The following AGBL3 variants were observed in gnomAD, a reference collection of about 807,000 sequenced individuals.
AGBL3 encodes the protein AGBL carboxypeptidase 3.
AGBL3 carries 68 observed loss-of-function variants against 94.5 expected under a neutral mutation model. The observed-to-expected ratio is 0.72, with a 90% CI of 0.59 to 0.88. The LOEUF is 0.88. Among genes scored for constraint, AGBL3 ranks in the 40% least tolerant of loss-of-function variants. The pLI, the probability that AGBL3 is intolerant of heterozygous loss-of-function variation, is 0.00. For missense variants in AGBL3, 934 were observed against 1,103.8 expected (o/e 0.85, Z 2.18); for synonymous variants, 354 against 370.7 (o/e 0.95, Z 0.52).
At chr7:135,081,465 T>A (rs1820918919) in intron 14 of AGBL3, among the ~76,000 whole-genome samples, 1 of 152,132 alleles carries the variant, frequency 6.6e-6, no homozygotes, top group Non-Finnish European at 1.5e-5. Flanking sequence ...ACTTTATAAC[T>A]GTCTATTTGT....
At chr7:134,996,872 G>A (rs185192895) in intron 4 of AGBL3, among the ~76,000 whole-genome samples, 21 of 152,208 alleles carry the variant, frequency 1.4e-4, no homozygotes, top group African/African-American at 4.8e-4. Context: ...TATGAGTGTG[G>A]TCAGGGGTCC....
In AGBL3 at chr7:135,129,722, T is replaced by C. The variant is rs567955151; in HGVS notation, c.2343-5119T>C. 115 of 740,966 alleles carry C rather than the reference T, an allele frequency of 1.6e-4. 1 individual carries two copies. The Middle Eastern group carries it at 2.0e-3, about 13-fold the overall frequency. 45.9% of individuals were successfully genotyped at this position (740,966 alleles called of 1,614,324 possible). A position where few individuals can be genotyped will look rare whatever the true frequency, so the allele number is the denominator to read the frequency against. On this transcript the variant is annotated intron_variant, in intron 16 of 16. Coordinates refer to ENST00000436302, the MANE Select transcript of AGBL3 (RefSeq NM_178563.4). ...CTACTGCTCAAGATATGGAAGTGGA[T>C]TGGTTTTCCCTAATCTTTTGTCAAG...
At chr7:134,986,870 G>A (rs576302368) in intron 1 of AGBL3, among the ~76,000 whole-genome samples, 169 bp downstream of exon 1, 1 of 152,372 alleles carries the variant, frequency 6.6e-6, no homozygotes, top group East Asian at 1.9e-4. Flanking sequence ...CTGTCGGGAC[G>A]CGGCTAAGCG....
At chr7:135,003,735 G>C (rs1812023018) in intron 4 of AGBL3, among the ~76,000 whole-genome samples, 1 of 150,358 alleles carries the variant, frequency 6.7e-6, no homozygotes, top group South Asian at 2.1e-4. Flanking sequence ...TTTTTGTTGT[G>C]AGAATAGCAA....
chr7:134,986,833 G>A (rs976507317), intron 1 of AGBL3, 132 bp downstream of exon 1: 3 of 152,292 alleles, frequency 2.0e-5, no homozygotes, highest in Non-Finnish European at 4.4e-5. Flanking sequence ...TGGCCTCATC[G>A]TGCTTCCCGC....
intron 11 of AGBL3, among the ~76,000 whole-genome samples, chr7:135,055,941 G>T (rs7787016): frequency 2.0e-5 from 3 of 151,768 alleles, no homozygotes; most frequent in African/African-American, 4.8e-5. Flanking sequence ...TTGATATATA[G>T]ATCTATATAT....
chr7:135,019,098 T>C (rs1188957267), intron 5 of AGBL3, among the ~76,000 whole-genome samples: 1 of 152,236 alleles, frequency 6.6e-6, no homozygotes, highest in Admixed American at 6.5e-5. Context: ...ATACAGTAAG[T>C]ACACTGTTAT....
chr7:135,123,283 G>T (rs1827402006), intron 16 of AGBL3, among the ~76,000 whole-genome samples: 1 of 152,150 alleles, frequency 6.6e-6, no homozygotes, highest in Admixed American at 6.5e-5. Context: ...CCACGCAGAA[G>T]AAAGGATATC....
At chr7:135,038,612 G>A (rs1478981289) in intron 8 of AGBL3, among the ~76,000 whole-genome samples, 1 of 152,110 alleles carries the variant, frequency 6.6e-6, no homozygotes, top group Admixed American at 6.5e-5. Flanking sequence ...TCATCTAAAG[G>A]TTGCTTAAAA....
chr7:135,110,754 C>A (rs540756958), intron 15 of AGBL3, among the ~76,000 whole-genome samples: 1 of 152,180 alleles, frequency 6.6e-6, no homozygotes, highest in African/African-American at 2.4e-5. Flanking sequence ...TCCATGAGAG[C>A]GACAAATGCA....
chr7:135,082,002 G>C (rs148055041), intron 15 of AGBL3, among the ~76,000 whole-genome samples: 1 of 152,264 alleles, frequency 6.6e-6, no homozygotes, highest in Non-Finnish European at 1.5e-5. Flanking sequence ...TTAGAGCAGA[G>C]AGAAACCTTG....
intron 15 of AGBL3, among the ~76,000 whole-genome samples, chr7:135,108,480 G>C (rs1298050497): frequency 6.6e-6 from 1 of 152,122 alleles, no homozygotes; most frequent in Non-Finnish European, 1.5e-5. Flanking sequence ...AGTTTGACTG[G>C]ATGTGGAATT....
At chr7:135,101,404 G>T in intron 15 of AGBL3, 2 of 353,308 alleles carry the variant, frequency 5.7e-6, no homozygotes, top group Non-Finnish European at 1.1e-5. Flanking sequence ...GAGATTGATA[G>T]CTATTTTAGT....
At chr7:135,120,245 T>C (rs1396854182) in intron 16 of AGBL3, among the ~76,000 whole-genome samples, 3 of 152,188 alleles carry the variant, frequency 2.0e-5, no homozygotes, top group Admixed American at 2.0e-4. Flanking sequence ...CTAAATCATA[T>C]TTGATGGTTG....
chr7:135,023,177 A>G (rs1814700550), intron 5 of AGBL3, among the ~76,000 whole-genome samples: 1 of 152,168 alleles, frequency 6.6e-6, no homozygotes, highest in Admixed American at 6.5e-5. Context: ...TTCATGTGCT[A>G]TAGAAACTCA....
At chr7:135,106,656 A>T (rs1177780486) in intron 15 of AGBL3, among the ~76,000 whole-genome samples, 3 of 152,146 alleles carry the variant, frequency 2.0e-5, no homozygotes, top group Non-Finnish European at 4.4e-5. Context: ...TTCACCAAGG[A>T]TATTGGCCTG....
chr7:135,044,086 T>C lies in AGBL3; in HGVS notation c.1562T>C (p.Val521Ala), dbSNP rs894254949. Reference protein sequence around the residue: ...QKSKEGTGRVVMWKMGIRNSF... With the variant: ...QKSKEGTGRVAMWKMGIRNSF... ...AGCAAAGAAGGAACAGGAAGGGTGG[T>C]AATGTGGAAAATGGGAATCAGGAAC... is the stretch of plus-strand genomic sequence containing the variant. The change falls in exon 9 of 17, where the codon GTA (valine) becomes GCA (alanine). Residue 521 changes from valine (V) to alanine (A), a missense_variant. By Grantham distance (64) the Val-to-Ala change is moderately conservative (BLOSUM62 0). This residue lies in a region of AGBL3 where 441 missense variants were observed against 518.2 expected (regional missense o/e 0.85). Transcript: ENST00000436302. 4 of 1,550,916 alleles carry C rather than the reference T, an allele frequency of 2.6e-6. No individual in the cohort carries two copies. Among genetic ancestry groups the C allele is most frequent in the Admixed American group, 2.0e-5 (1 of 50,960 alleles).
At chr7:135,046,425 T>C (rs768085224) in intron 11 of AGBL3, among the ~76,000 whole-genome samples, 22 of 152,080 alleles carry the variant, frequency 1.4e-4, no homozygotes, top group Admixed American at 8.5e-4. Context: ...TATTATAGTA[T>C]CATAGAGTAT....
Position 135,115,460 on chromosome 7 carries a change from G to A in AGBL3, c.2191G>A (p.Asp731Asn). Residue 731 changes from aspartate (D) to asparagine (N), a missense_variant, in exon 16 of 17, where the codon GAT becomes AAT. Physicochemically the swap from Asp to Asn is conservative, Grantham distance 23. Around this residue, in one of 3 missense-constraint regions of AGBL3, gnomAD observed 441 missense variants for 518.2 expected, o/e 0.85. Transcript: ENST00000436302. ...SKKTGINWTDDEKRSYKDKGI... is the reference protein window; with the variant it reads ...SKKTGINWTDNEKRSYKDKGI... The stretch of plus-strand genomic sequence containing the variant: ...GAAGACTGGCATAAATTGGACAGAT[G>A]ATGAAAAAAGAAGCTACAAGGATAA... 6.5e-7 allele frequency: 1 copy of A among 1,549,534 alleles called. No homozygotes were observed. Among genetic ancestry groups the A allele is most frequent in the Non-Finnish European group, 8.7e-7 (1 of 1,145,044 alleles).
Sources: allele counts gnomAD v4.1 joint callset (sites outside exome capture counted in the v4.1 genomes callset), GRCh38; gene constraint gnomAD v4.1.1; regional missense constraint gnomAD v4.1.1; transcripts MANE v1.5; gene names NCBI Gene and HGNC (gene_info 2026-07-23, HGNC 2026-07-21).